Variants in MYO15A observed in about 807,000 individuals in gnomAD.
MYO15A encodes the protein myosin XVA, also known as unconventional myosin-XV.
Under a neutral mutation model 394.6 loss-of-function variants are expected in MYO15A, and 308 were observed. The observed-to-expected ratio is 0.78, with a 90% CI of 0.71 to 0.86. The LOEUF is 0.86. MYO15A is among the 40% of genes least tolerant of loss of function. The probability of loss-of-function intolerance (pLI) is 0.00; values close to 1 mark genes in which losing one functional copy is unlikely to be tolerated. For missense variants in MYO15A, 4,606 were observed against 4,799.1 expected (o/e 0.96, Z 1.19); for synonymous variants, 1,957 against 2,003.8 (o/e 0.98, Z 0.62).
chr17:18,121,309 G>A lies in MYO15A; in HGVS notation c.2509G>A (p.Gly837Ser), dbSNP rs1240128780. The A allele has an allele frequency of 1.1e-5, 14 of 1,327,946 alleles. No homozygotes were observed. In the Admixed American group the frequency reaches 2.9e-4, roughly 27 times the overall value. 82.3% of individuals were successfully genotyped at this position (1,327,946 alleles called of 1,614,324 possible). A position where few individuals can be genotyped will look rare whatever the true frequency, so the allele number is the denominator to read the frequency against. ...AGCCGCTGGGCGCCTGGGCCCACCCGGCTCGCCGCTGCCGGGCTCACCCAG... is the reference window on the plus strand; with the variant it reads ...AGCCGCTGGGCGCCTGGGCCCACCCAGCTCGCCGCTGCCGGGCTCACCCAG... ...RRAAGRLGPP[G>S]SPLPGSPRPP... is the part of the protein sequence containing the mutation. Residue 837 changes from glycine to serine, a missense_variant, in exon 2 of 66, where the codon GGC becomes AGC. This residue lies in a region of MYO15A where 1,830 missense variants were observed against 1,689.7 expected (regional missense o/e 1.08). Transcript: ENST00000647165. The surrounding 1 kb of genome is among the most constrained non-coding windows in gnomAD (Gnocchi z 5.3).
intron 3 of MYO15A, 142 bp from the exon 4 acceptor site, chr17:18,125,026 C>T: frequency 1.2e-6 from 1 of 806,022 alleles, no homozygotes. Flanking sequence ...GTAATTTGTC[C>T]AAGGTCTCCT....
In MYO15A at chr17:18,122,147, T is replaced by C; in HGVS notation, c.3347T>C (p.Val1116Ala). Residue 1116 changes from valine to alanine, a missense_variant, in exon 2 of 66, where the codon GTG becomes GCG. Val to Ala is a moderately conservative substitution (Grantham distance 64). Coordinates refer to ENST00000647165, the MANE Select transcript of MYO15A (RefSeq NM_016239.4). ...CAGGCAGCCCCTGGGCGTTTTGCTGTGGTCATGCCTCGTGTGCAGAAGCTG... is the reference window on the plus strand; with the variant it reads ...CAGGCAGCCCCTGGGCGTTTTGCTGCGGTCATGCCTCGTGTGCAGAAGCTG... The part of the protein sequence containing the change: ...RRQAAPGRFA[V>A]VMPRVQKLSS... 1.2e-6 allele frequency: 2 copies of C among 1,613,044 alleles called. No homozygotes were observed. Among genetic ancestry groups the C allele is most frequent in the Non-Finnish European group, 1.7e-6 (2 of 1,180,010 alleles).
intron 63 of MYO15A, 68 bp from the exon 64 acceptor site, chr17:18,172,089 T>G (rs2046950717): frequency 6.2e-7 from 1 of 1,611,232 alleles, no homozygotes; most frequent in Non-Finnish European, 8.5e-7. Flanking sequence ...AGCTATGCAG[T>G]TCAGGGCCAT....
rs2075657 is a variant in MYO15A at position 18,158,214 on chromosome 17, T to G, written c.8968-309T>G. On this transcript the variant is annotated intron_variant, in intron 51 of 65. Coordinates refer to ENST00000647165, the MANE Select transcript of MYO15A (RefSeq NM_016239.4). ...GTGAAGTCTACTGGGTTTGGGGCGG[T>G]GCCAGGTGAGTGGGCGGCTTGTGGA... 0.74 allele frequency: 433,957 copies of G among 587,642 alleles called. 161,920 individuals are homozygous for G. The highest frequency in any genetic ancestry group is 0.87 in the African/African-American group (46,394 of 53,594). The allele number at this position is 587,642 out of a possible 1,614,324, so 36.4% of individuals were successfully genotyped here.
rs1350307674 is a variant in MYO15A, at chr17:18,120,765, C to T, written c.1965C>T (p.Ser655=). 1 of 1,442,042 alleles carries T rather than the reference C, an allele frequency of 6.9e-7. No individual in the cohort carries two copies. Among genetic ancestry groups the T allele is most frequent in the South Asian group, 1.4e-5 (1 of 73,376 alleles). The allele number at this position is 1,442,042 out of a possible 1,614,324, so 89.3% of individuals were successfully genotyped here. ...CACAGCCCGCGCCCAGGACCCTCTCCCACTGGAGCGCGCTCCTGTCTCCGC... is the reference window on the plus strand; with the variant it reads ...CACAGCCCGCGCCCAGGACCCTCTCTCACTGGAGCGCGCTCCTGTCTCCGC... ...PAPQPAPRTL[S]HWSALLSPPV... is the part of the protein sequence containing the mutation. Residue 655 remains serine, a synonymous_variant, in exon 2 of 66, where the codon TCC becomes TCT. Transcript: ENST00000647165.
intron 8 of MYO15A, 35 bp from the exon 9 acceptor site, chr17:18,131,204 G>T: frequency 1.9e-6 from 3 of 1,574,010 alleles, no homozygotes; most frequent in Non-Finnish European, 2.6e-6. Context: ...ACAGTGCCTA[G>T]CCCCTCAATT....
At chr17:18,145,054 G>T (rs974447263) in intron 29 of MYO15A, among the ~76,000 whole-genome samples, 1 of 152,166 alleles carries the variant, frequency 6.6e-6, no homozygotes, top group Non-Finnish European at 1.5e-5. Context: ...GGCAGGGAGA[G>T]TGGAGAAAGT....
intron 64 of MYO15A, chr17:18,173,514 A>AAGCACTTAG (rs901174249): frequency 2.0e-6 from 1 of 500,598 alleles, no homozygotes; most frequent in South Asian, 2.0e-5. Flanking sequence ...TCTCTATCCC[A>AAGCACTTAG]AGCACTTAGA....
In MYO15A at chr17:18,148,321, C is replaced by T; in HGVS notation, c.6691+111C>T. The T allele has an allele frequency of 6.6e-7, 1 of 1,507,042 alleles. No individual in the cohort carries two copies. The highest frequency in any genetic ancestry group is 1.9e-5 in the Admixed American group (1 of 52,326). 93.4% of individuals were successfully genotyped at this position (1,507,042 alleles called of 1,614,324 possible). On this transcript the variant is annotated intron_variant, in intron 31 of 65. Transcript: ENST00000647165. The surrounding 1 kb of genome is among the most constrained non-coding windows in gnomAD (Gnocchi z 4.8). ...TTCTGGAGCTGGGGAGGGGCCTTCT[C>T]AGATGTGGCTCTGCGTGAAAGTCTG...
intron 12 of MYO15A, 67 bp downstream of exon 12, chr17:18,133,453 T>G: frequency 6.3e-7 from 1 of 1,585,338 alleles, no homozygotes; most frequent in Non-Finnish European, 8.6e-7. Context: ...TTCCAAGGCC[T>G]TCTCTGTTTC....
At chr17:18,157,398 C>G in intron 50 of MYO15A, 168 bp downstream of exon 50, 1 of 1,042,348 alleles carries the variant, frequency 9.6e-7, no homozygotes. Context: ...CCAGACAGCC[C>G]AGCCCTCTGC....
intron 54 of MYO15A, 101 bp downstream of exon 54, chr17:18,159,448 C>T (rs1043889751): frequency 6.7e-7 from 1 of 1,502,900 alleles, no homozygotes; most frequent in Non-Finnish European, 9.2e-7. Context: ...AGATTCTTTC[C>T]CTCCCGCCAG....
chr17:18,142,314 C>T (rs963491686), intron 24 of MYO15A, 60 bp downstream of exon 24: 8 of 1,565,824 alleles, frequency 5.1e-6, no homozygotes, highest in East Asian at 2.3e-5. Context: ...GGAGAGGTCA[C>T]GCCTGAACTT....
chr17:18,149,739 G>A, intron 35 of MYO15A, 159 bp downstream of exon 35: 2 of 753,708 alleles, frequency 2.7e-6, no homozygotes, highest in Non-Finnish European at 4.6e-6. Context: ...AAAGGATGAG[G>A]GTCTCTTCAC....
rs545560721 is a variant in MYO15A, at chr17:18,146,815, C to T, written c.6509+708C>T. ...TGGCACACGCATGTAGTCCCAGCTA[C>T]TCAAGAGGTTGAGGCAAGAGCATTG... On this transcript the variant is annotated intron_variant, in intron 30 of 65. Coordinates refer to ENST00000647165, the MANE Select transcript of MYO15A (RefSeq NM_016239.4). Among the ~76,000 whole-genome samples, 5 of 152,294 alleles carry T rather than the reference C, an allele frequency of 3.3e-5. No individual in the cohort carries two copies. In the East Asian group the frequency reaches 9.6e-4, roughly 29 times the overall value.
intron 1 of MYO15A, chr17:18,109,149 G>A (rs1205832992): frequency 2.0e-5 from 3 of 152,658 alleles, no homozygotes; most frequent in African/African-American, 7.2e-5. Flanking sequence ...CACTTTACAG[G>A]TAGGGGCTCT....
intron 65 of MYO15A, among the ~76,000 whole-genome samples, chr17:18,174,369 C>T (rs1362714140): frequency 2.0e-5 from 3 of 152,144 alleles, no homozygotes; most frequent in Admixed American, 6.5e-5. Context: ...TGCCTGTAAT[C>T]CCAGCACTTT....
At chr17:18,113,957 A>C (rs112744643) in intron 1 of MYO15A, among the ~76,000 whole-genome samples, 4 of 152,092 alleles carry the variant, frequency 2.6e-5, no homozygotes, top group African/African-American at 9.6e-5. Context: ...GATCGTCCAC[A>C]TTCCTTGTTA....
At chr17:18,133,081 C>T (rs766416421) in intron 11 of MYO15A, 144 bp from the exon 12 acceptor site, 7 of 820,952 alleles carry the variant, frequency 8.5e-6, no homozygotes, top group Non-Finnish European at 1.4e-5. Flanking sequence ...CAGCCGTGCT[C>T]AGAGCCTCCG....
Sources: gnomAD v4.1 joint callset for allele counts (sites outside exome capture counted in the v4.1 genomes callset) on GRCh38, gnomAD v4.1.1 for gene constraint, gnomAD v4.1.1 regional missense constraint, Gnocchi (gnomAD v3.1) non-coding constraint, MANE v1.5 for transcripts, NCBI Gene and HGNC (gene_info 2026-07-23, HGNC 2026-07-21) for gene names.